Variants in CSMD1 observed in about 807,000 individuals in gnomAD.
CSMD1 encodes the protein CUB and sushi domain-containing protein 1.
Under a neutral mutation model 417.5 loss-of-function variants are expected in CSMD1, and 213 were observed. The observed-to-expected ratio is 0.51, with a 90% CI of 0.46 to 0.57. The LOEUF (loss-of-function observed/expected upper bound fraction) is 0.57, where lower values mean the gene tolerates loss of function less well. CSMD1 is among the 20% of genes least tolerant of loss of function. The pLI, the probability that CSMD1 is intolerant of heterozygous loss-of-function variation, is 0.00. For synonymous variants in CSMD1, 2,862 were observed against 1,736.8 expected (o/e 1.65, Z -16.11); for missense variants, 6,923 against 4,529.7 (o/e 1.53, Z -15.17).
At chr8:3,493,046 C>G (rs1796201103) in intron 11 of CSMD1, among the ~76,000 whole-genome samples, 1 of 152,054 alleles carries the variant, frequency 6.6e-6, no homozygotes, top group Non-Finnish European at 1.5e-5. Flanking sequence ...TAATCCCCAA[C>G]ACTTTGGGAG....
chr8:4,252,969 G>C (rs554470227), intron 3 of CSMD1, among the ~76,000 whole-genome samples: 1 of 152,194 alleles, frequency 6.6e-6, no homozygotes, highest in African/African-American at 2.4e-5. Flanking sequence ...TTTCATGACA[G>C]CCCAGTAAGC....
At chr8:2,968,598 T>C (rs1804175182) in intron 57 of CSMD1, among the ~76,000 whole-genome samples, 1 of 152,168 alleles carries the variant, frequency 6.6e-6, no homozygotes, top group Non-Finnish European at 1.5e-5. Context: ...TTTTTTTGGC[T>C]GACAAAAACC....
At chr8:4,584,621 T>G (rs1347128708) in intron 2 of CSMD1, among the ~76,000 whole-genome samples, 1 of 151,992 alleles carries the variant, frequency 6.6e-6, no homozygotes, top group East Asian at 1.9e-4. Context: ...GCCATGCAGC[T>G]CCGGGGTCCC....
At chr8:4,797,340 G>A (rs992091826) in intron 1 of CSMD1, among the ~76,000 whole-genome samples, 1 of 152,196 alleles carries the variant, frequency 6.6e-6, no homozygotes, top group Non-Finnish European at 1.5e-5. Flanking sequence ...CACCTGGAAT[G>A]AAGCAGGAGA....
chr8:3,774,004 T>A (rs1424991355), intron 5 of CSMD1, among the ~76,000 whole-genome samples: 1 of 152,194 alleles, frequency 6.6e-6, no homozygotes, highest in South Asian at 2.1e-4. Context: ...TTCTTTTACT[T>A]ACACAGTTGC....
chr8:4,968,945 A>T (rs7823766), intron 1 of CSMD1, among the ~76,000 whole-genome samples: 1 of 151,826 alleles, frequency 6.6e-6, no homozygotes, highest in Non-Finnish European at 1.5e-5. Context: ...CATTCTCTCC[A>T]TCACTCCATG....
intron 2 of CSMD1, among the ~76,000 whole-genome samples, chr8:4,618,821 G>A (rs1032239924): frequency 6.6e-6 from 1 of 152,096 alleles, no homozygotes; most frequent in Non-Finnish European, 1.5e-5. Context: ...AAACATTACA[G>A]GATCTTCCAT....
intron 33 of CSMD1, among the ~76,000 whole-genome samples, chr8:3,195,545 A>T (rs1028845143): frequency 6.6e-6 from 1 of 152,188 alleles, no homozygotes; most frequent in Admixed American, 6.5e-5. Context: ...GCGTCTAAGA[A>T]TATGTTGATT....
intron 17 of CSMD1, among the ~76,000 whole-genome samples, chr8:3,390,012 A>C (rs1046471025): frequency 8.5e-5 from 13 of 152,140 alleles, no homozygotes; most frequent in Non-Finnish European, 1.9e-4. Flanking sequence ...AGTTCAACTG[A>C]AACTGGCCAT....
chr8:3,889,481 A>C (rs1212718380), intron 5 of CSMD1, among the ~76,000 whole-genome samples: 1 of 114,082 alleles, frequency 8.8e-6, no homozygotes, highest in African/African-American at 3.3e-5. Context: ...ATATATATAT[A>C]TATATATATA....
Position 4,383,313 on chromosome 8 carries a change from G to C in CSMD1, c.415+36640C>G, listed in dbSNP as rs569850047. Among the ~76,000 whole-genome samples, 17 of 152,224 alleles carry C rather than the reference G, an allele frequency of 1.1e-4. 1 individual carries two copies. The highest frequency in any genetic ancestry group is 9.8e-4 in the Admixed American group (15 of 15,270). ...GATAAGAATGTTAGGCGGTGGGCAT[G>C]GGGGGATCTCTGAGTCAAAGAAGAT... On this transcript the variant is annotated intron_variant, in intron 3 of 69. Coordinates refer to ENST00000635120, the MANE Select transcript of CSMD1 (RefSeq NM_033225.6).
chr8:4,515,469 T>G (rs1340172740), intron 2 of CSMD1, among the ~76,000 whole-genome samples: 1 of 152,200 alleles, frequency 6.6e-6, no homozygotes, highest in Non-Finnish European at 1.5e-5. Flanking sequence ...GATCTGGATT[T>G]AAAAGAACGT....
chr8:4,886,298 G>C (rs370158477), intron 1 of CSMD1, among the ~76,000 whole-genome samples: 55 of 151,916 alleles, frequency 3.6e-4, no homozygotes, highest in East Asian at 2.7e-3. Flanking sequence ...TTGTCACTTT[G>C]CATTTGAATA....
chr8:3,162,224 T>C lies in CSMD1; in HGVS notation c.5779A>G (p.Ile1927Val). The C allele has an allele frequency of 6.2e-7, 1 of 1,611,750 alleles. No individual in the cohort carries two copies. Among genetic ancestry groups the C allele is most frequent in the Non-Finnish European group, 8.5e-7 (1 of 1,179,036 alleles). ...TCGTTCACCATGTACCGATCTCCGATTTTGATGCTGTTGCTGGGGAGGGCT... is the reference window on the plus strand; with the variant it reads ...TCGTTCACCATGTACCGATCTCCGACTTTGATGCTGTTGCTGGGGAGGGCT... ...EPALPSNSIK[I>V]GDRYMVNDVL... Residue 1927 changes from isoleucine to valine, a missense_variant, in exon 38 of 70, where the codon ATC becomes GTC. By Grantham distance (29) the Ile-to-Val change is conservative (BLOSUM62 3). Coordinates refer to ENST00000635120, the MANE Select transcript of CSMD1 (RefSeq NM_033225.6).
chr8:3,258,164 C>T (rs996654864), intron 26 of CSMD1, among the ~76,000 whole-genome samples: 3 of 151,948 alleles, frequency 2.0e-5, no homozygotes, highest in African/African-American at 7.3e-5. Context: ...AACAGACAAC[C>T]TAAAGAAAGG....
intron 7 of CSMD1, among the ~76,000 whole-genome samples, chr8:3,636,180 C>T (rs917805752): frequency 4.6e-5 from 7 of 152,252 alleles, no homozygotes; most frequent in East Asian, 1.9e-4. Context: ...TGACTTCTTC[C>T]ATCTTTGCAT....
At chr8:3,825,766 G>A (rs183755467) in intron 5 of CSMD1, among the ~76,000 whole-genome samples, 51 of 152,282 alleles carry the variant, frequency 3.3e-4, no homozygotes, top group African/African-American at 1.1e-3. Flanking sequence ...ATGAACTGTG[G>A]AAATGTAGAA....
intron 3 of CSMD1, among the ~76,000 whole-genome samples, chr8:4,407,763 A>T (rs775154103): frequency 1.3e-5 from 2 of 152,214 alleles, no homozygotes; most frequent in East Asian, 3.8e-4. Context: ...AAAACAGTCA[A>T]GTAAATACAG....
At chr8:3,487,873 A>AT (rs140038520) in intron 11 of CSMD1, among the ~76,000 whole-genome samples, 2,860 of 152,094 alleles carry the variant, frequency 0.019, 103 homozygotes, top group African/African-American at 0.064. Context: ...AACATTACCA[A>AT]TTTTTTCTAA....
Sources: allele counts gnomAD v4.1 joint callset (sites outside exome capture counted in the v4.1 genomes callset), GRCh38; gene constraint gnomAD v4.1.1; transcripts MANE v1.5; gene names NCBI Gene and HGNC (gene_info 2026-07-23, HGNC 2026-07-21).